The following HPGDS variants were observed in gnomAD, a reference collection of about 807,000 sequenced individuals.
HPGDS encodes hematopoietic prostaglandin D synthase, also known as GST class-sigma.
HPGDS carries 26 observed loss-of-function variants against 23.1 expected under a neutral mutation model. That is an observed-to-expected ratio of 1.13 (90% CI 0.83 to 1.56). The LOEUF is 1.56. Ranked by LOEUF, HPGDS falls within the 40% of genes most tolerant of loss-of-function variation. The pLI is 0.00. For synonymous variants in HPGDS, 95 were observed against 77.9 expected (o/e 1.22, Z -1.16); for missense variants, 268 against 236.4 (o/e 1.13, Z -0.88).
At chr4:94,326,858 A>C (rs1356612894) in intron 2 of HPGDS, among the ~76,000 whole-genome samples, 1 of 151,970 alleles carries the variant, frequency 6.6e-6, no homozygotes, top group Non-Finnish European at 1.5e-5. Context: ...TGATTTTTGT[A>C]GGGAAACCCT....
Position 94,330,937 on chromosome 4 carries a change from A to G in HPGDS, c.133+3560T>C, listed in dbSNP as rs1399131852. Among the ~76,000 whole-genome samples the G allele has an allele frequency of 3.3e-5, 5 of 152,224 alleles. 1 individual carries two copies. The highest frequency in any genetic ancestry group is 1.3e-4 in the Admixed American group (2 of 15,282). On this transcript the variant is annotated intron_variant, in intron 2 of 5. Transcript: ENST00000295256. ...GTCCCCAGAATCACAGCAGAATCAC[A>G]GAGCCTCCAGGGGAGGCCTCATGAT...
At chr4:94,329,805 G>T (rs1209965486) in intron 2 of HPGDS, among the ~76,000 whole-genome samples, 1 of 152,144 alleles carries the variant, frequency 6.6e-6, no homozygotes, top group Admixed American at 6.5e-5. Flanking sequence ...TCCTTCATTT[G>T]ATTCCAGAAA....
intron 1 of HPGDS, among the ~76,000 whole-genome samples, chr4:94,336,969 CGTTTT>C (rs1721033960): frequency 2.2e-5 from 2 of 91,632 alleles, no homozygotes; most frequent in African/African-American, 9.8e-5. Context: ...CGTTTTGTTT[CGTTTT>C]GTTTTGTTGC....
At chr4:94,324,481 T>C (rs946038224) in intron 2 of HPGDS, among the ~76,000 whole-genome samples, 1 of 152,188 alleles carries the variant, frequency 6.6e-6, no homozygotes, top group Non-Finnish European at 1.5e-5. Flanking sequence ...CTCTCTAAAC[T>C]TCTCTTCTCA....
intron 2 of HPGDS, among the ~76,000 whole-genome samples, chr4:94,328,703 A>G (rs1201684580): frequency 9.9e-5 from 15 of 152,210 alleles, no homozygotes; most frequent in Non-Finnish European, 2.2e-4. Context: ...TCTTTTAAAC[A>G]TCTTTCTAAA....
At chr4:94,317,782 T>C in intron 3 of HPGDS, 91 bp downstream of exon 3, 1 of 722,416 alleles carries the variant, frequency 1.4e-6, no homozygotes, top group East Asian at 2.7e-5. Context: ...TGTACTATAG[T>C]ATGCTATGCT....
chr4:94,342,655 A>G (rs890453212), intron 1 of HPGDS, 140 bp downstream of exon 1: 3 of 152,244 alleles, frequency 2.0e-5, no homozygotes, highest in African/African-American at 7.2e-5. Context: ...GGGTAAGACA[A>G]GGTCAGAGTG....
At chr4:94,306,244 A>C (rs922570558) in intron 4 of HPGDS, among the ~76,000 whole-genome samples, 1 of 152,146 alleles carries the variant, frequency 6.6e-6, no homozygotes, top group African/African-American at 2.4e-5. Context: ...TCTCTTTAAA[A>C]TAGAGACTGT....
rs1478712165 is a variant in HPGDS, at chr4:94,309,707, T to C, written c.227-964A>G. Among the ~76,000 whole-genome samples, 11 of 151,988 alleles carry C rather than the reference T, an allele frequency of 7.2e-5. No individual in the cohort carries two copies. The East Asian group carries it at 1.9e-3, about 27-fold the overall frequency. The stretch of plus-strand genomic sequence containing the variant: ...CTAGATCCCTGAGGAATCACCACAC[T>C]GACTTCCACAATGGTTGAACTAGTT... On this transcript the variant is annotated intron_variant, in intron 3 of 5. Coordinates refer to ENST00000295256, the MANE Select transcript of HPGDS (RefSeq NM_014485.3).
At chr4:94,307,286 G>A (rs1579427529) in intron 4 of HPGDS, among the ~76,000 whole-genome samples, 1 of 150,188 alleles carries the variant, frequency 6.7e-6, no homozygotes, top group Non-Finnish European at 1.5e-5. Context: ...AAGAAAACAG[G>A]AGAATGAACC....
intron 1 of HPGDS, among the ~76,000 whole-genome samples, chr4:94,336,464 C>A (rs757620013): frequency 6.6e-6 from 1 of 152,112 alleles, no homozygotes; most frequent in African/African-American, 2.4e-5. Flanking sequence ...AGCTGGTGCT[C>A]CTTGCTAAAA....
chr4:94,326,011 A>G (rs79232145), intron 2 of HPGDS, among the ~76,000 whole-genome samples: 2,662 of 150,284 alleles, frequency 0.018, 81 homozygotes, highest in African/African-American at 0.062. Context: ...TGAACATATC[A>G]TTCCATTGTC....
At chr4:94,322,147 G>C (rs1415885897) in intron 2 of HPGDS, among the ~76,000 whole-genome samples, 1 of 152,142 alleles carries the variant, frequency 6.6e-6, no homozygotes, top group African/African-American at 2.4e-5. Context: ...TTTTTGATGT[G>C]TTGCTGGATT....
Position 94,299,471 on chromosome 4 carries a change from A to G in HPGDS, c.*9T>C, listed in dbSNP as rs762620848. On this transcript the variant is annotated 3_prime_UTR_variant, in exon 6 of 6. Transcript: ENST00000295256. ...CGAGAAAAACAAACTTGAAGGCAAC[A>G]TGGATCAGCTAGAGTTTGGTTTGGG... 3.1e-6 allele frequency: 5 copies of G among 1,603,242 alleles called. No individual in the cohort carries two copies. Among genetic ancestry groups the G allele is most frequent in the African/African-American group, 1.3e-5 (1 of 74,458 alleles).
At chr4:94,334,894 A>C (rs1720962918) in intron 1 of HPGDS, among the ~76,000 whole-genome samples, 1 of 152,256 alleles carries the variant, frequency 6.6e-6, no homozygotes, top group African/African-American at 2.4e-5. Flanking sequence ...TATTTATAAA[A>C]ATATTCAGAT....
intron 2 of HPGDS, among the ~76,000 whole-genome samples, chr4:94,323,210 G>C (rs950729145): frequency 6.6e-6 from 1 of 152,122 alleles, no homozygotes; most frequent in African/African-American, 2.4e-5. Context: ...GAATAAGTGT[G>C]GTGTGGTGCT....
At chr4:94,308,860 T>G (rs1368022682) in intron 3 of HPGDS, 117 bp from the exon 4 acceptor site, 15 of 515,130 alleles carry the variant, frequency 2.9e-5, no homozygotes, top group Non-Finnish European at 3.5e-5. Context: ...CAATATCCAG[T>G]GAAGACTAGC....
chr4:94,305,025 T>C (rs771416719), intron 4 of HPGDS, among the ~76,000 whole-genome samples: 9 of 152,238 alleles, frequency 5.9e-5, no homozygotes, highest in Middle Eastern at 3.4e-3. Context: ...TATAATGATA[T>C]GTAAAATACA....
chr4:94,336,267 A>G (rs535435132), intron 1 of HPGDS, among the ~76,000 whole-genome samples: 2 of 152,266 alleles, frequency 1.3e-5, no homozygotes, highest in African/African-American at 4.8e-5. Flanking sequence ...ACGAATCATA[A>G]AAATCTAGCT....
Sources: gnomAD v4.1 joint callset for allele counts (sites outside exome capture counted in the v4.1 genomes callset) on GRCh38, gnomAD v4.1.1 for gene constraint, MANE v1.5 for transcripts, NCBI Gene and HGNC (gene_info 2026-07-23, HGNC 2026-07-21) for gene names.